SLC6A11: variants seen among roughly 807,000 people sequenced by gnomAD.
SLC6A11 encodes the protein sodium- and chloride-dependent GABA transporter 3.
SLC6A11 carries 25 observed loss-of-function variants against 74.8 expected under a neutral mutation model. The ratio of observed to expected loss-of-function variants is 0.33; its 90% CI spans 0.24 to 0.47. SLC6A11 has a LOEUF of 0.47. Among genes scored for constraint, SLC6A11 ranks in the 20% least tolerant of loss-of-function variants. The pLI, the probability that SLC6A11 is intolerant of heterozygous loss-of-function variation, is 1.00. For missense variants in SLC6A11, 574 were observed against 837.0 expected (o/e 0.69, Z 3.88); for synonymous variants, 330 against 330.2 (o/e 1.00, Z 0.01).
chr3:10,934,995 C>T, intron 12 of SLC6A11, 34 bp from the exon 13 acceptor site: 2 of 1,594,124 alleles, frequency 1.3e-6, no homozygotes, highest in Non-Finnish European at 1.7e-6. Context: ...GCTGAGGGCC[C>T]ATCCCCCAGG....
In SLC6A11 at chr3:10,819,497, A is replaced by C. The variant is rs1205645822; in HGVS notation, c.289A>C (p.Ile97Leu). The change falls in exon 2 of 14, where the codon ATT becomes CTT. Residue 97 changes from isoleucine (I) to leucine (L), a missense_variant. Around this residue, in one of 4 missense-constraint regions of SLC6A11, gnomAD observed 215 missense variants for 357.9 expected, o/e 0.60. Transcript: ENST00000254488. ...CCTGATTCCCTACGTGGTGTTTTTT[A>C]TTTGCTGTGGAATTCCTGTTTTTTT... The part of the protein sequence containing the change: ...AFLIPYVVFF[I>L]CCGIPVFFLE... 6.2e-7 allele frequency: 1 copy of C among 1,613,438 alleles called. No homozygotes were observed. Among genetic ancestry groups the C allele is most frequent in the African/African-American group, 1.3e-5 (1 of 74,886 alleles).
intron 4 of SLC6A11, among the ~76,000 whole-genome samples, chr3:10,835,192 A>G (rs1438418102): frequency 6.6e-6 from 1 of 152,192 alleles, no homozygotes; most frequent in African/African-American, 2.4e-5. Context: ...TCCTTGATGC[A>G]GATTTGCTTC....
intron 4 of SLC6A11, chr3:10,824,751 A>G (rs138304360): frequency 2.0e-5 from 3 of 152,338 alleles, no homozygotes; most frequent in African/African-American, 7.2e-5. Context: ...CTTGATGGGC[A>G]TTTAGGCTGT....
chr3:10,871,357 A>T lies in SLC6A11; in HGVS notation c.757-3604A>T, dbSNP rs544901039. The stretch of plus-strand genomic sequence containing the variant: ...AAGGTTCTTTTCCTTAAATTTTGCA[A>T]GCATTGGGAATTAAGATAGCTGAGT... On this transcript the variant is annotated intron_variant, in intron 5 of 13. Transcript: ENST00000254488. 2.6e-4 allele frequency among the ~76,000 whole-genome samples: 39 copies of T among 152,308 alleles called. No individual in the cohort carries two copies. The South Asian group carries it at 8.1e-3, about 32-fold the overall frequency.
At chr3:10,858,605 C>A (rs1340858282) in intron 5 of SLC6A11, among the ~76,000 whole-genome samples, 1 of 152,182 alleles carries the variant, frequency 6.6e-6, no homozygotes, top group Non-Finnish European at 1.5e-5. Flanking sequence ...CACAATAATT[C>A]TTTGAAGTAG....
intron 7 of SLC6A11, among the ~76,000 whole-genome samples, chr3:10,912,622 C>T (rs373512729): frequency 8.5e-5 from 13 of 152,358 alleles, no homozygotes; most frequent in African/African-American, 2.9e-4. Context: ...GCCAGTGCCC[C>T]ACTTTGCCCC....
At chr3:10,935,740 A>G (rs1695752917) in intron 13 of SLC6A11, among the ~76,000 whole-genome samples, 1 of 152,214 alleles carries the variant, frequency 6.6e-6, no homozygotes. Flanking sequence ...CACATGGTTA[A>G]AGACAATTTC....
chr3:10,831,128 G>T (rs1470359437), intron 4 of SLC6A11, among the ~76,000 whole-genome samples: 1 of 152,126 alleles, frequency 6.6e-6, no homozygotes, highest in East Asian at 1.9e-4. Flanking sequence ...TGTCCTCAGT[G>T]AACTTGTTCT....
chr3:10,870,083 C>G (rs1694811528), intron 5 of SLC6A11, among the ~76,000 whole-genome samples: 1 of 152,162 alleles, frequency 6.6e-6, no homozygotes. Context: ...CTGATCCAAC[C>G]TCTCCTATTC....
At chr3:10,905,623 T>C (rs1421586476) in intron 6 of SLC6A11, among the ~76,000 whole-genome samples, 2 of 152,236 alleles carry the variant, frequency 1.3e-5, no homozygotes, top group Non-Finnish European at 2.9e-5. Flanking sequence ...AGTTCATTAG[T>C]TCCTTTCTAG....
intron 7 of SLC6A11, among the ~76,000 whole-genome samples, chr3:10,914,711 A>C (rs1412062318): frequency 6.6e-6 from 1 of 152,182 alleles, no homozygotes; most frequent in Non-Finnish European, 1.5e-5. Context: ...AGCCATAATG[A>C]AAATGTTAAC....
intron 5 of SLC6A11, among the ~76,000 whole-genome samples, chr3:10,873,838 C>T (rs1310465982): frequency 6.6e-6 from 1 of 152,050 alleles, no homozygotes; most frequent in Non-Finnish European, 1.5e-5. Context: ...CTATAGTATG[C>T]TCTGCTCTGC....
At chr3:10,867,081 G>A (rs1694771442) in intron 5 of SLC6A11, among the ~76,000 whole-genome samples, 1 of 152,208 alleles carries the variant, frequency 6.6e-6, no homozygotes, top group South Asian at 2.1e-4. Flanking sequence ...TGGCCGTATG[G>A]GATGGGCAGA....
intron 10 of SLC6A11, among the ~76,000 whole-genome samples, chr3:10,931,002 C>T (rs1230762515): frequency 6.6e-6 from 1 of 152,196 alleles, no homozygotes; most frequent in African/African-American, 2.4e-5. Flanking sequence ...CCTTGGCCTT[C>T]ATGGTAATTA....
intron 5 of SLC6A11, among the ~76,000 whole-genome samples, chr3:10,870,513 G>C (rs532599324): frequency 2.0e-4 from 30 of 152,352 alleles, no homozygotes; most frequent in Non-Finnish European, 3.7e-4. Context: ...AGAGGGAAGA[G>C]TGGCAGTATG....
chr3:10,860,447 A>G (rs1321139635), intron 5 of SLC6A11, among the ~76,000 whole-genome samples: 2 of 152,238 alleles, frequency 1.3e-5, no homozygotes, highest in African/African-American at 2.4e-5. Flanking sequence ...CAGGATGAGA[A>G]TGCAAGAGAG....
At chr3:10,876,552 G>A (rs1694908802) in intron 6 of SLC6A11, among the ~76,000 whole-genome samples, 1 of 152,042 alleles carries the variant, frequency 6.6e-6, no homozygotes, top group Non-Finnish European at 1.5e-5. Flanking sequence ...TCCAAATCTG[G>A]CTGATCATCC....
chr3:10,843,062 C>T (rs574573624), intron 4 of SLC6A11, among the ~76,000 whole-genome samples: 3 of 152,152 alleles, frequency 2.0e-5, no homozygotes, highest in Non-Finnish European at 4.4e-5. Context: ...GGTTTGGCAG[C>T]CAGAATGGGG....
chr3:10,879,345 C>T (rs1348259955), intron 6 of SLC6A11, among the ~76,000 whole-genome samples: 2 of 152,024 alleles, frequency 1.3e-5, no homozygotes, highest in Non-Finnish European at 2.9e-5. Context: ...AAACAAAACC[C>T]CATGTATGTT....
Sources: gnomAD v4.1 joint callset for allele counts (sites outside exome capture counted in the v4.1 genomes callset) on GRCh38, gnomAD v4.1.1 for gene constraint, gnomAD v4.1.1 regional missense constraint, MANE v1.5 for transcripts, NCBI Gene and HGNC (gene_info 2026-07-23, HGNC 2026-07-21) for gene names.